The following CCNB3 variants were observed in gnomAD, a reference collection of about 807,000 sequenced individuals.
CCNB3 encodes the protein G2/mitotic-specific cyclin-B3.
In CCNB3, 12 loss-of-function variants were observed where a neutral mutation model predicts 68.0. The observed-to-expected ratio is 0.18, with a 90% CI of 0.11 to 0.29. CCNB3 has a LOEUF of 0.29. CCNB3 is among the 10% of genes least tolerant of loss of function. The probability of loss-of-function intolerance (pLI) is 1.00; values close to 1 mark genes in which losing one functional copy is unlikely to be tolerated. For synonymous variants in CCNB3, 354 were observed against 388.9 expected (o/e 0.91, Z 1.06); for missense variants, 904 against 993.1 (o/e 0.91, Z 1.21).
chrX:50,210,990 A>C (rs1935473260), intron 1 of CCNB3, among the ~76,000 whole-genome samples: 1 of 111,742 alleles, frequency 8.9e-6, no homozygotes, highest in African/African-American at 3.3e-5. Context: ...GGCCTGGTGC[A>C]GTGGCTCACA....
chrX:50,335,546 C>T (rs562596516), intron 8 of CCNB3, among the ~76,000 whole-genome samples: 1 of 111,542 alleles, frequency 9.0e-6, no homozygotes. Flanking sequence ...ACCTGGATTC[C>T]TTCGAGAGCT....
rs544477579 is a variant in CCNB3 at position 50,329,729 on chromosome X, A to G, written c.3517-12473A>G. On this transcript the variant is annotated intron_variant, in intron 8 of 12. Coordinates refer to ENST00000376042, the MANE Select transcript of CCNB3 (RefSeq NM_033031.3). ...ATCTCTCTAGCCAGTGGTTGTTCCTAAGCCTGCTTGGATTCTTTCCCTGAA... is the reference window on the plus strand; with the variant it reads ...ATCTCTCTAGCCAGTGGTTGTTCCTGAGCCTGCTTGGATTCTTTCCCTGAA... Among the ~76,000 whole-genome samples, 7 of 112,236 alleles carry G rather than the reference A, an allele frequency of 6.2e-5. No individual in the cohort carries two copies. In the South Asian group the frequency reaches 2.2e-3, roughly 36 times the overall value.
At position 50,285,244 on chromosome X, in the gene CCNB3, T is replaced by C; in HGVS notation, c.81T>C (p.His27=). 8.3e-7 allele frequency: 1 copy of C among 1,205,043 alleles called. No individual in the cohort carries two copies. The highest frequency in any genetic ancestry group is 1.1e-6 in the Non-Finnish European group (1 of 889,499). Residue 27 remains histidine, a synonymous_variant, in exon 3 of 13, where the codon CAT becomes CAC. Coordinates refer to ENST00000376042, the MANE Select transcript of CCNB3 (RefSeq NM_033031.3). The part of the protein sequence containing the change: ...SQSSKIVPSH[H]DPSEKTGENC... ...CCAGCAAAATTGTGCCCAGTCATCA[T>C]GACCCATCTGAAAAGGTTAGAGCAA...
chrX:50,290,658 A>C (rs1557209992), intron 4 of CCNB3, among the ~76,000 whole-genome samples: 1 of 111,672 alleles, frequency 9.0e-6, no homozygotes, highest in African/African-American at 3.3e-5. Context: ...GAAGTGTATC[A>C]ATAATGGGAA....
At chrX:50,331,510 T>G (rs1259939492) in intron 8 of CCNB3, among the ~76,000 whole-genome samples, 1 of 111,400 alleles carries the variant, frequency 9.0e-6, no homozygotes, top group Admixed American at 9.5e-5. Context: ...ATTGAGGCTT[T>G]TAGGATGCAG....
In CCNB3 at chrX:50,309,036, A is replaced by G. The variant is rs1557214036; in HGVS notation, c.867A>G (p.Lys289=). 8.3e-7 allele frequency: 1 copy of G among 1,211,435 alleles called. No homozygotes were observed. Residue 289 remains lysine (K), a synonymous_variant, in exon 6 of 13, where the codon AAA becomes AAG. Transcript: ENST00000376042. ...ATAAGTTATCATCTTTAAAGAAGAA[A>G]TGTACCATTTATGGGAAGATATGCC... ...PTHKLSSLKK[K]CTIYGKICHF...
intron 4 of CCNB3, among the ~76,000 whole-genome samples, chrX:50,293,564 T>C (rs1557210428): frequency 9.0e-6 from 1 of 111,661 alleles, no homozygotes; most frequent in Non-Finnish European, 1.9e-5. Flanking sequence ...TCAATTTCAA[T>C]ACATAAAATT....
intron 1 of CCNB3, among the ~76,000 whole-genome samples, chrX:50,226,775 T>C (rs1316587069): frequency 0.029 from 2,290 of 79,601 alleles, 136 homozygotes; most frequent in African/African-American, 0.11. Flanking sequence ...ACATAGAATA[T>C]ATATATGAAT....
chrX:50,203,510 C>T (rs182790784), upstream of CCNB3, among the ~76,000 whole-genome samples: 2 of 112,098 alleles, frequency 1.8e-5, no homozygotes, highest in Admixed American at 1.9e-4. Context: ...TTCTTTTTCT[C>T]CTGATTTGGT....
At position 50,308,743 on chromosome X, in the gene CCNB3, A is replaced by G. The variant is rs782023536; in HGVS notation, c.574A>G (p.Lys192Glu). ...SNHEEVSLLE[K>E]LQPLQEESDS... ...TCATGAGGAGGTGTCCTTACTGGAA[A>G]AGCTACAGCCCCTGCAGGAGGAGAG... The change falls in exon 6 of 13, where the codon AAG (lysine) becomes GAG (glutamate). Residue 192 changes from lysine (K) to glutamate (E), a missense_variant. Around this residue, in one of 2 missense-constraint regions of CCNB3, gnomAD observed 619 missense variants for 609.8 expected, o/e 1.02. Coordinates refer to ENST00000376042, the MANE Select transcript of CCNB3 (RefSeq NM_033031.3). 15 of 1,211,665 alleles carry G rather than the reference A, an allele frequency of 1.2e-5. No homozygotes were observed. The East Asian group carries it at 4.4e-4, about 36-fold the overall frequency.
chrX:50,223,481 T>C (rs1188193212), intron 1 of CCNB3, among the ~76,000 whole-genome samples: 1 of 112,183 alleles, frequency 8.9e-6, no homozygotes, highest in Non-Finnish European at 1.9e-5. Flanking sequence ...GTTGACACTA[T>C]TCCTTTCTGT....
chrX:50,313,559 A>C (rs886369317), intron 7 of CCNB3, among the ~76,000 whole-genome samples: 1 of 112,190 alleles, frequency 8.9e-6, no homozygotes. Context: ...ATTGTGCTTT[A>C]GATTGAATTG....
chrX:50,217,664 ATCT>A (rs1248557759), intron 1 of CCNB3, among the ~76,000 whole-genome samples: 5 of 111,594 alleles, frequency 4.5e-5, no homozygotes, highest in African/African-American at 1.6e-4. Context: ...ATATTGTGTC[ATCT>A]TCTTCTGGGC....
chrX:50,284,479 A>AT (rs1936200780), intron 1 of CCNB3, 63 bp from the exon 2 acceptor site: 1 of 111,821 alleles, frequency 8.9e-6, no homozygotes, highest in Non-Finnish European at 1.9e-5. Flanking sequence ...ATGTCAAATG[A>AT]TTTTTTAATA....
At chrX:50,285,010 C>T (rs1936208770) in intron 2 of CCNB3, 117 bp from the exon 3 acceptor site, 3 of 446,527 alleles carry the variant, frequency 6.7e-6, no homozygotes, top group Admixed American at 7.5e-5. Flanking sequence ...ATCTTCCCAA[C>T]ATCAAAATCT....
At chrX:50,319,869 A>AT (rs201734591) in intron 8 of CCNB3, among the ~76,000 whole-genome samples, 14 of 110,349 alleles carry the variant, frequency 1.3e-4, no homozygotes, top group South Asian at 7.6e-4. Flanking sequence ...GCATCTATTG[A>AT]TTTTTTTTTG....
chrX:50,318,337 C>T (rs1307794777), intron 8 of CCNB3, among the ~76,000 whole-genome samples: 1 of 110,040 alleles, frequency 9.1e-6, no homozygotes, highest in Non-Finnish European at 1.9e-5. Flanking sequence ...CGTGGTGAAA[C>T]CTCCGTCTCT....
intron 5 of CCNB3, among the ~76,000 whole-genome samples, chrX:50,305,678 A>C (rs1418089994): frequency 9.1e-6 from 1 of 110,398 alleles, no homozygotes; most frequent in Non-Finnish European, 1.9e-5. Flanking sequence ...TCAGCTTGTC[A>C]ATTTCTACAA....
Position 50,281,864 on chromosome X carries a change from A to T in CCNB3, c.-112-2678A>T, listed in dbSNP as rs192117217. Among the ~76,000 whole-genome samples the T allele has an allele frequency of 4.5e-5, 5 of 111,082 alleles. No individual in the cohort carries two copies. In the East Asian group the frequency reaches 1.4e-3, roughly 32 times the overall value. On this transcript the variant is annotated intron_variant, in intron 1 of 12. Coordinates refer to ENST00000376042, the MANE Select transcript of CCNB3 (RefSeq NM_033031.3). ...GCTACAGGTTGAAGGATATGAAGGG[A>T]GGATGGACACGTGTCCTCACTCTAT...
Sources: gnomAD v4.1 joint callset for allele counts (sites outside exome capture counted in the v4.1 genomes callset) on GRCh38, gnomAD v4.1.1 for gene constraint, gnomAD v4.1.1 regional missense constraint, MANE v1.5 for transcripts, NCBI Gene and HGNC (gene_info 2026-07-23, HGNC 2026-07-21) for gene names.